MACF1: variants seen among roughly 807,000 people sequenced by gnomAD.
The protein encoded by MACF1 is microtubule actin crosslinking factor 1, also known as microtubule-actin cross-linking factor 1.
In MACF1, 193 loss-of-function variants were observed where a neutral mutation model predicts 854.8. The observed-to-expected ratio is 0.23, with a 90% CI of 0.20 to 0.25. The LOEUF (loss-of-function observed/expected upper bound fraction) is 0.25, where lower values mean the gene tolerates loss of function less well. Ranked by LOEUF, MACF1 falls within the 10% of genes least tolerant of loss-of-function variation. MACF1 has a pLI of 1.00. For synonymous variants in MACF1, 3,185 were observed against 3,226.7 expected (o/e 0.99, Z 0.44); for missense variants, 7,722 against 8,929.1 (o/e 0.86, Z 5.45).
intron 2 of MACF1, among the ~76,000 whole-genome samples, chr1:39,126,023 A>T (rs181169954): frequency 6.6e-6 from 1 of 152,230 alleles, no homozygotes; most frequent in Admixed American, 6.5e-5. Flanking sequence ...CAGCAAAAAC[A>T]TATAATTTAT....
chr1:39,305,577 GT>G (rs1293229423), intron 23 of MACF1, among the ~76,000 whole-genome samples: 1 of 152,090 alleles, frequency 6.6e-6, no homozygotes, highest in Non-Finnish European at 1.5e-5. Flanking sequence ...CACTTCTTCC[GT>G]TTTCCAAATG....
chr1:39,308,848 G>A (rs1040294304), intron 23 of MACF1, among the ~76,000 whole-genome samples: 4 of 151,908 alleles, frequency 2.6e-5, no homozygotes, highest in African/African-American at 9.7e-5. Context: ...TAGAGATGGG[G>A]TTTCTCCTTG....
rs565189864 is a variant in MACF1 at position 39,246,235 on chromosome 1, C to T, written c.172-3779C>T. On this transcript the variant is annotated intron_variant, in intron 2 of 100. Coordinates refer to ENST00000564288, the MANE Select transcript of MACF1 (RefSeq NM_001394062.1). ...TATCTTACTCCTAATCCAGAAAGCC[C>T]ATTTCCATGTCTTTAGCTAGCACCT... Among the ~76,000 whole-genome samples, 3 of 152,082 alleles carry T rather than the reference C, an allele frequency of 2.0e-5. No homozygotes were observed. The South Asian group carries it at 6.3e-4, about 32-fold the overall frequency.
intron 95 of MACF1, among the ~76,000 whole-genome samples, chr1:39,466,935 G>A (rs1042540646): frequency 3.3e-5 from 5 of 152,234 alleles, no homozygotes; most frequent in African/African-American, 7.2e-5. Context: ...CTGCATTTGA[G>A]TCAGAGCAGC....
At position 39,287,664 on chromosome 1, in the gene MACF1, C is replaced by T. The variant is rs183689405; in HGVS notation, c.1785+102C>T. 316 of 1,254,646 alleles carry T rather than the reference C, an allele frequency of 2.5e-4. No homozygotes were observed. In the African/African-American group the frequency reaches 4.1e-3, roughly 16 times the overall value. The allele number at this position is 1,254,646 out of a possible 1,614,324, so 77.7% of individuals were successfully genotyped here. On this transcript the variant is annotated intron_variant, in intron 15 of 100. Transcript: ENST00000564288. ...GCTTTGTGTTCCCTGTGCAGATTCCCTTAATTATTATTATTCTTTTATTTG... is the reference window on the plus strand; with the variant it reads ...GCTTTGTGTTCCCTGTGCAGATTCCTTTAATTATTATTATTCTTTTATTTG...
intron 2 of MACF1, among the ~76,000 whole-genome samples, chr1:39,242,674 A>G (rs910015997): frequency 3.3e-5 from 5 of 150,330 alleles, no homozygotes; most frequent in Non-Finnish European, 7.4e-5. Flanking sequence ...AGTCGAGGCT[A>G]TAGTGAGCTG....
intron 97 of MACF1, among the ~76,000 whole-genome samples, chr1:39,478,289 C>T (rs975219767): frequency 1.3e-5 from 2 of 152,162 alleles, no homozygotes; most frequent in African/African-American, 4.8e-5. Context: ...AGACATGAGC[C>T]ACTTCGCCCG....
chr1:39,209,385 A>T (rs945091284), intron 1 of MACF1, among the ~76,000 whole-genome samples: 2 of 152,162 alleles, frequency 1.3e-5, no homozygotes, highest in African/African-American at 4.8e-5. Context: ...TAATTAGATG[A>T]TACAGAGTTG....
At chr1:39,468,796 T>G in intron 96 of MACF1, 64 bp downstream of exon 96, 1 of 1,407,006 alleles carries the variant, frequency 7.1e-7, no homozygotes, top group Non-Finnish European at 1.0e-6. Context: ...TCTTTTATGC[T>G]TACAGGAAGC....
At chr1:39,475,700 G>A (rs1219242656) in intron 97 of MACF1, among the ~76,000 whole-genome samples, 2 of 152,128 alleles carry the variant, frequency 1.3e-5, no homozygotes, top group Admixed American at 6.6e-5. Flanking sequence ...AGAGACCTAC[G>A]TTGGTGCCAG....
chr1:39,399,827 G>A (rs1172094394), intron 58 of MACF1, among the ~76,000 whole-genome samples: 1 of 152,104 alleles, frequency 6.6e-6, no homozygotes, highest in Non-Finnish European at 1.5e-5. Flanking sequence ...ATTCACTTTT[G>A]TGTCCCTTAA....
chr1:39,425,523 A>C (rs1457704156), intron 61 of MACF1, among the ~76,000 whole-genome samples: 4 of 152,222 alleles, frequency 2.6e-5, no homozygotes, highest in Non-Finnish European at 4.4e-5. Context: ...AAACTCTTTA[A>C]CACACCATTC....
At chr1:39,099,510 CAAAGGTGAAGA>C (rs975475146) in intron 2 of MACF1, among the ~76,000 whole-genome samples, 1 of 152,084 alleles carries the variant, frequency 6.6e-6, no homozygotes, top group African/African-American at 2.4e-5. Context: ...CAGCATGAAC[CAAAGGTGAAGA>C]AAAGCTGGGA....
intron 58 of MACF1, among the ~76,000 whole-genome samples, chr1:39,393,738 C>T (rs1186531990): frequency 2.0e-5 from 3 of 151,448 alleles, no homozygotes; most frequent in African/African-American, 4.8e-5. Context: ...GATCCTAGGA[C>T]GTTGACGCTG....
chr1:39,176,064 T>G (rs1386140247), intron 2 of MACF1, among the ~76,000 whole-genome samples: 5 of 127,478 alleles, frequency 3.9e-5, no homozygotes, highest in Admixed American at 1.8e-4. Context: ...GAGCTGAGAT[T>G]GCGCCACTGT....
At position 39,333,427 on chromosome 1, in the gene MACF1, TTGAAGAAGC is replaced by T; in HGVS notation, c.6841_6849del (p.Glu2281_Ala2283del). On this transcript the variant is annotated inframe_deletion, in exon 37 of 101. Coordinates refer to ENST00000564288, the MANE Select transcript of MACF1 (RefSeq NM_001394062.1). ...TCATGCAGTCATCCATTAGAATTGCTTGAAGAAGCTACCTTAAATGTATTATCTGCACAG... is the reference window on the plus strand; with the variant it reads ...TCATGCAGTCATCCATTAGAATTGCTTACCTTAAATGTATTATCTGCACAG... 6.2e-7 allele frequency: 1 copy of T among 1,614,202 alleles called. No homozygotes were observed. Among genetic ancestry groups the T allele is most frequent in the Non-Finnish European group, 8.5e-7 (1 of 1,180,022 alleles).
chr1:39,371,687 A>C (rs141206854), intron 51 of MACF1, among the ~76,000 whole-genome samples: 2 of 152,242 alleles, frequency 1.3e-5, no homozygotes, highest in South Asian at 4.1e-4. Flanking sequence ...AGTATAGCCT[A>C]TGATTCTATG....
intron 58 of MACF1, chr1:39,410,392 A>C: frequency 6.2e-7 from 1 of 1,614,046 alleles, no homozygotes; most frequent in Non-Finnish European, 8.5e-7. Flanking sequence ...TGATACGATG[A>C]GGATAAATGA....
chr1:39,442,077 G>A, intron 75 of MACF1, 24 bp downstream of exon 75: 1 of 1,593,494 alleles, frequency 6.3e-7, no homozygotes, highest in Non-Finnish European at 8.5e-7. Context: ...TATGGCTTTT[G>A]AAGAAGAATT....
Sources: gnomAD v4.1 joint callset for allele counts (sites outside exome capture counted in the v4.1 genomes callset) on GRCh38, gnomAD v4.1.1 for gene constraint, MANE v1.5 for transcripts, NCBI Gene and HGNC (gene_info 2026-07-23, HGNC 2026-07-21) for gene names.